The following LDAH variants were observed in gnomAD, a reference collection of about 807,000 sequenced individuals.
The protein encoded by LDAH is lipid droplet-associated hydrolase.
A neutral mutation model predicts 29.6 loss-of-function variants in LDAH; 26 were observed. That is an observed-to-expected ratio of 0.88 (90% confidence interval 0.64 to 1.22). The LOEUF is 1.22. Ranked by LOEUF, LDAH falls within the 50% of genes most tolerant of loss-of-function variation. The probability of loss-of-function intolerance (pLI) is 0.00; values close to 1 mark genes in which losing one functional copy is unlikely to be tolerated. For synonymous variants in LDAH, 117 were observed against 133.0 expected (o/e 0.88, Z 0.83); for missense variants, 344 against 387.3 (o/e 0.89, Z 0.94).
intron 4 of LDAH, among the ~76,000 whole-genome samples, chr2:20,763,088 T>C (rs1668801003): frequency 1.3e-5 from 2 of 152,190 alleles, no homozygotes; most frequent in South Asian, 4.1e-4. Context: ...ACCCTAATAA[T>C]TCAAGGAAAT....
chr2:20,743,661 C>T (rs1282635949), intron 4 of LDAH, among the ~76,000 whole-genome samples: 1 of 152,138 alleles, frequency 6.6e-6, no homozygotes, highest in Admixed American at 6.6e-5. Context: ...TTTATTCCCT[C>T]TCTGATGCTC....
intron 6 of LDAH, among the ~76,000 whole-genome samples, chr2:20,700,532 C>G (rs923597477): frequency 1.3e-5 from 2 of 150,998 alleles, no homozygotes; most frequent in Non-Finnish European, 3.0e-5. Context: ...AGTGGGTTAT[C>G]TCGTATTTCA....
chr2:20,749,684 T>C lies in LDAH; in HGVS notation c.469-9479A>G, dbSNP rs376548737. 1.6e-4 allele frequency among the ~76,000 whole-genome samples: 25 copies of C among 152,272 alleles called. No individual in the cohort carries two copies. The South Asian group carries it at 5.0e-3, about 30-fold the overall frequency. Reference sequence around the variant, plus strand: ...TGTGGTAAGAAGCAAATCCATCAGTTAGGGCAGCTAAGACCCCATGAGATA... The same window carrying C: ...TGTGGTAAGAAGCAAATCCATCAGTCAGGGCAGCTAAGACCCCATGAGATA... On this transcript the variant is annotated intron_variant, in intron 4 of 6. Coordinates refer to ENST00000237822, the MANE Select transcript of LDAH (RefSeq NM_021925.4).
intron 6 of LDAH, among the ~76,000 whole-genome samples, chr2:20,692,807 T>C (rs1012858257): frequency 5.3e-5 from 8 of 152,152 alleles, no homozygotes; most frequent in Non-Finnish European, 1.5e-5. Flanking sequence ...TGTTTTGTGA[T>C]ATAGTGCAGG....
At position 20,772,141 on chromosome 2, in the gene LDAH, C is replaced by T. The variant is rs866791772; in HGVS notation, c.468+2669G>A. ...GGTTCAAGACAATGTATTGAACAAT[C>T]ATTTTCAAACACACAAAAGAGAAAC... On this transcript the variant is annotated intron_variant, in intron 4 of 6. Transcript: ENST00000237822. Among the ~76,000 whole-genome samples, 3 of 152,322 alleles carry T rather than the reference C, an allele frequency of 2.0e-5. No individual in the cohort carries two copies. In the South Asian group the frequency reaches 6.2e-4, roughly 32 times the overall value.
intron 1 of LDAH, among the ~76,000 whole-genome samples, chr2:20,814,035 C>T (rs1253823610): frequency 3.3e-5 from 5 of 152,062 alleles, no homozygotes; most frequent in African/African-American, 1.2e-4. Flanking sequence ...ACTTCTAAAC[C>T]TTTAATCCAT....
intron 5 of LDAH, among the ~76,000 whole-genome samples, chr2:20,735,598 C>A (rs1666718069): frequency 6.6e-6 from 1 of 151,806 alleles, no homozygotes; most frequent in South Asian, 2.1e-4. Context: ...TTGGTGTTGG[C>A]ATTGATTTTT....
chr2:20,813,768 A>G (rs535496919), intron 1 of LDAH, among the ~76,000 whole-genome samples: 2 of 152,326 alleles, frequency 1.3e-5, no homozygotes, highest in African/African-American at 4.8e-5. Context: ...CAGTCTTTGG[A>G]TATAAAATAC....
intron 4 of LDAH, among the ~76,000 whole-genome samples, chr2:20,765,439 T>G (rs1009710402): frequency 1.3e-5 from 2 of 152,244 alleles, no homozygotes; most frequent in African/African-American, 4.8e-5. Flanking sequence ...TCTAGAAGCC[T>G]GAAGCCTTCA....
chr2:20,817,366 T>C (rs1672920002), intron 1 of LDAH, among the ~76,000 whole-genome samples: 1 of 152,042 alleles, frequency 6.6e-6, no homozygotes, highest in African/African-American at 2.4e-5. Flanking sequence ...AAAAACCATG[T>C]AGAATACTAT....
At chr2:20,821,185 A>C (rs1329172186) in intron 1 of LDAH, among the ~76,000 whole-genome samples, 1 of 152,246 alleles carries the variant, frequency 6.6e-6, no homozygotes, top group East Asian at 1.9e-4. Flanking sequence ...AAACTAGCTC[A>C]ACCATTGTGG....
intron 5 of LDAH, among the ~76,000 whole-genome samples, chr2:20,731,855 G>GT (rs1007306542): frequency 0.037 from 5,248 of 140,200 alleles, 249 homozygotes; most frequent in African/African-American, 0.11. Context: ...TTTTCTTTTA[G>GT]TTTTTTTTTT....
At chr2:20,786,555 G>GA (rs1670568410) in intron 3 of LDAH, among the ~76,000 whole-genome samples, 2 of 151,050 alleles carry the variant, frequency 1.3e-5, no homozygotes, top group African/African-American at 4.9e-5. Flanking sequence ...TAATGTTCTT[G>GA]TTTTTTTTTC....
At chr2:20,715,057 A>T (rs2149384303) in intron 5 of LDAH, among the ~76,000 whole-genome samples, 1 of 152,308 alleles carries the variant, frequency 6.6e-6, no homozygotes, top group East Asian at 1.9e-4. Flanking sequence ...CCTGATACCA[A>T]AGCCTGGCAG....
At chr2:20,814,938 T>C (rs1672749351) in intron 1 of LDAH, among the ~76,000 whole-genome samples, 1 of 152,192 alleles carries the variant, frequency 6.6e-6, no homozygotes, top group Non-Finnish European at 1.5e-5. Context: ...AAATTATGTA[T>C]GTTCATGCTT....
At chr2:20,822,309 T>C (rs747569731) in intron 1 of LDAH, among the ~76,000 whole-genome samples, 4 of 151,982 alleles carry the variant, frequency 2.6e-5, no homozygotes, top group Non-Finnish European at 5.9e-5. Context: ...ATTTATGTAT[T>C]TATTTTTGTA....
chr2:20,709,126 G>C (rs1664516993), intron 5 of LDAH, among the ~76,000 whole-genome samples: 3 of 152,082 alleles, frequency 2.0e-5, no homozygotes, highest in Admixed American at 2.0e-4. Context: ...GCTACAAGTG[G>C]AAAATTTCAC....
At position 20,740,123 on chromosome 2, in the gene LDAH, C is replaced by T; in HGVS notation, c.551G>A (p.Cys184Tyr). The T allele has an allele frequency of 6.2e-7, 1 of 1,614,124 alleles. No individual in the cohort carries two copies. Among genetic ancestry groups the T allele is most frequent in the Non-Finnish European group, 8.5e-7 (1 of 1,180,000 alleles). Residue 184 changes from cysteine to tyrosine, a missense_variant, in exon 5 of 7, where the codon TGC becomes TAC. Transcript: ENST00000237822. ...AACATAGAGAACATATCGAAACCAG[C>T]ACAAAAGTGGAGTGGCAATTCTGCC... Reference protein sequence around the residue: ...PNGRIATPLLCWFRYVLYVTG... With the variant: ...PNGRIATPLLYWFRYVLYVTG...
intron 3 of LDAH, among the ~76,000 whole-genome samples, chr2:20,785,837 C>T (rs761186087): frequency 1.4e-4 from 22 of 152,248 alleles, no homozygotes; most frequent in Non-Finnish European, 1.6e-4. Flanking sequence ...ATTTTTGTTA[C>T]GGTGTTTTCT....
Sources: gnomAD v4.1 joint callset for allele counts (sites outside exome capture counted in the v4.1 genomes callset) on GRCh38, gnomAD v4.1.1 for gene constraint, MANE v1.5 for transcripts, NCBI Gene and HGNC (gene_info 2026-07-23, HGNC 2026-07-21) for gene names.